Variants in CCDC88B observed in about 807,000 individuals in gnomAD.
CCDC88B encodes the protein coiled-coil domain-containing protein 88B.
A neutral mutation model predicts 183.7 loss-of-function variants in CCDC88B; 138 were observed. The ratio of observed to expected loss-of-function variants is 0.75; its 90% CI spans 0.65 to 0.87. The LOEUF (loss-of-function observed/expected upper bound fraction) is 0.87, where lower values mean the gene tolerates loss of function less well. Ranked by LOEUF, CCDC88B falls within the 40% of genes least tolerant of loss-of-function variation. The pLI is 0.00. For missense variants in CCDC88B, 1,822 were observed against 1,965.6 expected, an observed-to-expected ratio of 0.93 and a Z score of 1.38; for synonymous variants, 835 against 867.5, an observed-to-expected ratio of 0.96 and a Z score of 0.66.
In CCDC88B at chr11:64,353,083, G is replaced by A. The variant is rs762253664; in HGVS notation, c.3530G>A (p.Arg1177Gln). 1.1e-5 allele frequency: 18 copies of A among 1,606,090 alleles called. No individual in the cohort carries two copies. The highest frequency in any genetic ancestry group is 1.0e-4 in the Admixed American group (6 of 59,178). Residue 1177 changes from arginine to glutamine, a missense_variant, in exon 21 of 27, where the codon CGG becomes CAG. Transcript: ENST00000356786. ...CAGATGCTGCTGGCAGAGTTGTCTC[G>A]GGAGCGGGGTGAGCTGCAGGGTGAA... is the stretch of plus-strand genomic sequence containing the variant. ...RAQMLLAELS[R>Q]ERGELQGERG... is the part of the protein sequence containing the mutation.
chr11:64,347,738 G>A (rs1325477796), intron 14 of CCDC88B, among the ~76,000 whole-genome samples: 1 of 152,094 alleles, frequency 6.6e-6, no homozygotes, highest in African/African-American at 2.4e-5. Context: ...TTTCTCACTT[G>A]TAAAACTGGA....
At position 64,352,782 on chromosome 11, in the gene CCDC88B, C is replaced by T. The variant is rs371550042; in HGVS notation, c.3395C>T (p.Ala1132Val). The change falls in exon 20 of 27, where the codon GCA (alanine) becomes GTA (valine). Residue 1132 changes from alanine to valine, a missense_variant. Physicochemically the swap from Ala to Val is moderately conservative, Grantham distance 64 (BLOSUM62 0). Transcript: ENST00000356786. ...QLQAQRASVE[A>V]QEVALLAERE... The stretch of plus-strand genomic sequence containing the variant: ...CAGGCCCAGCGGGCCAGCGTGGAGG[C>T]ACAGGAGGTGGCCCTGCTGGCAGAG... The T allele has an allele frequency of 8.1e-6, 13 of 1,613,438 alleles. No individual in the cohort carries two copies. The highest frequency in any genetic ancestry group is 2.2e-5 in the South Asian group (2 of 91,088).
In CCDC88B at chr11:64,353,622, C is replaced by T. The variant is rs1591298652; in HGVS notation, c.3834-93C>T. Reference sequence around the variant, plus strand: ...TTCCAGGTCAGTCCAATCTGCGGCACGGGACCAGTGCGTCCTCGCTGCAGC... The same window carrying T: ...TTCCAGGTCAGTCCAATCTGCGGCATGGGACCAGTGCGTCCTCGCTGCAGC... On this transcript the variant is annotated intron_variant, in intron 22 of 26. Transcript: ENST00000356786. The T allele has an allele frequency of 1.5e-5, 24 of 1,578,206 alleles. No individual in the cohort carries two copies. The East Asian group carries it at 2.5e-4, about 16-fold the overall frequency.
chr11:64,351,367 CA>C, intron 17 of CCDC88B, 108 bp from the exon 18 acceptor site: 8 of 1,524,344 alleles, frequency 5.2e-6, no homozygotes, highest in Non-Finnish European at 5.3e-6. Flanking sequence ...TGTGGACTCA[CA>C]GTGGGCCCGG....
intron 6 of CCDC88B, 37 bp downstream of exon 6, chr11:64,341,541 ACCTGGGACG>A (rs1257838594): frequency 6.2e-7 from 1 of 1,612,364 alleles, no homozygotes; most frequent in Non-Finnish European, 8.5e-7. Flanking sequence ...CTGGTATGGC[ACCTGGGACG>A]CCCTTGCCAC....
chr11:64,348,345 T>G (rs2036196947), intron 14 of CCDC88B, among the ~76,000 whole-genome samples: 1 of 142,404 alleles, frequency 7.0e-6, no homozygotes, highest in Admixed American at 7.0e-5. Context: ...GGTCTCAGGT[T>G]GTCCACTGGG....
intron 14 of CCDC88B, among the ~76,000 whole-genome samples, chr11:64,346,643 T>C (rs1186441153): frequency 1.3e-5 from 2 of 151,996 alleles, no homozygotes; most frequent in African/African-American, 2.4e-5. Context: ...GGTTTCACCA[T>C]GTTAGCCAGG....
chr11:64,351,341 T>A, intron 17 of CCDC88B, 86 bp downstream of exon 17: 1 of 1,490,894 alleles, frequency 6.7e-7, no homozygotes, highest in Non-Finnish European at 9.1e-7. Context: ...CTGGGGGGTA[T>A]CCCGTGCAGT....
intron 2 of CCDC88B, 56 bp from the exon 3 acceptor site, chr11:64,340,851 G>T: frequency 2.0e-6 from 3 of 1,536,500 alleles, no homozygotes; most frequent in Non-Finnish European, 2.6e-6. Context: ...CCTGAGGGAC[G>T]GTGGGCGAGG....
intron 7 of CCDC88B, 87 bp downstream of exon 7, chr11:64,341,829 G>T: frequency 1.3e-6 from 2 of 1,522,054 alleles, no homozygotes; most frequent in Non-Finnish European, 8.8e-7. Context: ...TGGAAGTTTG[G>T]GGCCCAGGCA....
chr11:64,343,776 A>C lies in CCDC88B; in HGVS notation c.1319-2A>C, dbSNP rs751240011. On this transcript the variant is annotated splice_acceptor_variant, in intron 12 of 26. Transcript: ENST00000356786. LOFTEE classifies it high-confidence loss of function. ...GGTCCTGACCTCATCTCTCATCCTC[A>C]GCACCCCTAGCAGGAGCGGCCCCCT... is the stretch of plus-strand genomic sequence containing the variant. The C allele has an allele frequency of 4.3e-5, 67 of 1,565,148 alleles. No individual in the cohort carries two copies. Among genetic ancestry groups the C allele is most frequent in the Non-Finnish European group, 5.2e-5 (60 of 1,154,180 alleles).
Position 64,341,422 on chromosome 11 carries a change from G to A in CCDC88B, c.449G>A (p.Cys150Tyr). The change falls in exon 6 of 27, where the codon TGT becomes TAT. Residue 150 changes from cysteine to tyrosine, a missense_variant and splice_region_variant. Cys to Tyr is a radical substitution (Grantham distance 194, BLOSUM62 -2). Transcript: ENST00000356786. ...LRLLLGASVQ[C>Y]EHRELFIRHI... ...GCTCCCCTTCCTGTCTCCCCTCAGT[G>A]TGAGCACCGGGAACTCTTCATCCGC... 1 of 1,614,008 alleles carries A rather than the reference G, an allele frequency of 6.2e-7. No individual in the cohort carries two copies. Among genetic ancestry groups the A allele is most frequent in the Non-Finnish European group, 8.5e-7 (1 of 1,180,018 alleles).
At chr11:64,343,460 C>T (rs12808002) in intron 11 of CCDC88B, 47 bp from the exon 12 acceptor site, 226,693 of 1,543,796 alleles carry the variant, frequency 0.15, 17,470 homozygotes, top group Middle Eastern at 0.18. Context: ...ACACACTCGG[C>T]CTGGCCATGG....
rs1375505328 is a variant in CCDC88B, at chr11:64,353,184, C to T, written c.3631C>T (p.Arg1211Cys). ...AQLEMQSQQLRESNQQLDLSA... is the reference protein window; with the variant it reads ...AQLEMQSQQLCESNQQLDLSA... The stretch of plus-strand genomic sequence containing the variant: ...GCTGGAGATGCAGAGCCAGCAGCTG[C>T]GCGAGTCCAACCAGCAGCTGGACCT... The change falls in exon 21 of 27, where the codon CGC (arginine) becomes TGC (cysteine). Residue 1211 changes from arginine (R) to cysteine (C), a missense_variant. Physicochemically the swap from Arg to Cys is radical, Grantham distance 180 (BLOSUM62 -3). Coordinates refer to ENST00000356786, the MANE Select transcript of CCDC88B (RefSeq NM_032251.6). 8.9e-6 allele frequency: 14 copies of T among 1,579,194 alleles called. No homozygotes were observed. Among genetic ancestry groups the T allele is most frequent in the Non-Finnish European group, 7.7e-6 (9 of 1,163,350 alleles).
In CCDC88B at chr11:64,342,675, C is replaced by T; in HGVS notation, c.1057C>T (p.Leu353=). 1 of 1,491,862 alleles carries T rather than the reference C, an allele frequency of 6.7e-7. No homozygotes were observed. Among genetic ancestry groups the T allele is most frequent in the Non-Finnish European group, 8.9e-7 (1 of 1,126,950 alleles). The allele number at this position is 1,491,862 out of a possible 1,614,324, so 92.4% of individuals were successfully genotyped here. The change falls in exon 10 of 27, where the codon CTG becomes TTG. Residue 353 remains leucine (L), a synonymous_variant. Coordinates refer to ENST00000356786, the MANE Select transcript of CCDC88B (RefSeq NM_032251.6). ...GGCGGCTGAGGCCTACAAGAGTCAG[C>T]TGGAGGTGAGGCGGAGACGGAGCCG... ...LQAAEAYKSQ[L]EEERVLSGVL...
chr11:64,340,788 G>A, intron 2 of CCDC88B, 36 bp downstream of exon 2: 1 of 1,577,148 alleles, frequency 6.3e-7, no homozygotes, highest in Non-Finnish European at 8.6e-7. Flanking sequence ...GGCGGGGAAG[G>A]ATCTGAGAGG....
At chr11:64,342,227 G>C in intron 8 of CCDC88B, 67 bp from the exon 9 acceptor site, 1 of 1,579,232 alleles carries the variant, frequency 6.3e-7, no homozygotes, top group South Asian at 1.2e-5. Flanking sequence ...CTACGGGAGG[G>C]GTCAGGCCTG....
intron 1 of CCDC88B, 125 bp from the exon 2 acceptor site, chr11:64,340,482 T>C (rs2035788442): frequency 7.0e-7 from 1 of 1,436,312 alleles, no homozygotes; most frequent in African/African-American, 1.4e-5. Context: ...GGGGCTGTGG[T>C]GAGGGAAGAG....
At position 64,357,053 on chromosome 11, in the gene CCDC88B, G is replaced by A; in HGVS notation, c.4390G>A (p.Glu1464Lys). Residue 1464 changes from glutamate (E) to lysine (K), a missense_variant, in exon 27 of 27, where the codon GAA (glutamate) becomes AAA (lysine). Transcript: ENST00000356786. ...DANREGPEVQ[E>K]PEKRPLTPSL... ...TTTCCCTCTAGGCCCTGAGGTACAG[G>A]AACCGGAGAAACGTCCCCTCACCCC... The A allele has an allele frequency of 6.2e-7, 1 of 1,600,118 alleles. No homozygotes were observed.
Sources: allele counts gnomAD v4.1 joint callset (sites outside exome capture counted in the v4.1 genomes callset), GRCh38; gene constraint gnomAD v4.1.1; transcripts MANE v1.5; gene names NCBI Gene and HGNC (gene_info 2026-07-23, HGNC 2026-07-21).